SLC24A2: variants seen among roughly 807,000 people sequenced by gnomAD.
The protein encoded by SLC24A2 is sodium/potassium/calcium exchanger 2.
A neutral mutation model predicts 62.0 loss-of-function variants in SLC24A2; 36 were observed. The observed-to-expected ratio is 0.58, with a 90% CI of 0.44 to 0.77. The LOEUF (loss-of-function observed/expected upper bound fraction) is 0.77, where lower values mean the gene tolerates loss of function less well. SLC24A2 is among the 30% of genes least tolerant of loss of function. The pLI, the probability that SLC24A2 is intolerant of heterozygous loss-of-function variation, is 0.00. For missense variants in SLC24A2, 846 were observed against 817.9 expected, an observed-to-expected ratio of 1.03 and a Z score of -0.42; for synonymous variants, 358 against 294.0, an observed-to-expected ratio of 1.22 and a Z score of -2.23.
the SLC24A2 span, among the ~76,000 whole-genome samples, chr9:20,005,975 T>C: frequency 1.3e-5 from 2 of 151,652 alleles, no homozygotes; most frequent in South Asian, 4.1e-4. Context: ...GTACCTCCTT[T>C]TAGGAAATTT....
chr9:19,711,581 G>A (rs573248758), intron 2 of SLC24A2, among the ~76,000 whole-genome samples: 1 of 152,304 alleles, frequency 6.6e-6, no homozygotes, highest in East Asian at 1.9e-4. Context: ...AGCCATTGCT[G>A]GCTTGATATA....
Position 19,515,840 on chromosome 9 carries a change from A to G in SLC24A2, c.*313T>C. On this transcript the variant is annotated 3_prime_UTR_variant, in exon 11 of 11. Transcript: ENST00000341998. ...ATAATATGTGTATTTATAGATATAT[A>G]TAGCCTGTGTCCTTGTTTGCATCGA... 5.1e-6 allele frequency: 2 copies of G among 390,312 alleles called. No homozygotes were observed. The highest frequency in any genetic ancestry group is 2.2e-5 in the South Asian group (1 of 46,224). The allele number at this position is 390,312 out of a possible 1,614,324, so 24.2% of individuals were successfully genotyped here. A position where few individuals can be genotyped will look rare whatever the true frequency, so the allele number is the denominator to read the frequency against.
intron 2 of SLC24A2, among the ~76,000 whole-genome samples, chr9:19,623,512 G>A (rs1201454500): frequency 2.0e-5 from 3 of 152,050 alleles, no homozygotes; most frequent in African/African-American, 7.2e-5. Context: ...ATACACTTTT[G>A]TGTAAAAAAA....
At chr9:20,059,699 A>G in the SLC24A2 span, among the ~76,000 whole-genome samples, 1 of 152,114 alleles carries the variant, frequency 6.6e-6, no homozygotes, top group Non-Finnish European at 1.5e-5. Context: ...ATTAAAAAGA[A>G]GAAAGATCTC....
chr9:20,019,040 G>A, the SLC24A2 span, among the ~76,000 whole-genome samples: 1 of 149,390 alleles, frequency 6.7e-6, no homozygotes, highest in Non-Finnish European at 1.5e-5. Flanking sequence ...TCCTAGCCTG[G>A]AACACAGAGG....
At chr9:20,301,255 C>T in the SLC24A2 span, among the ~76,000 whole-genome samples, 1 of 152,154 alleles carries the variant, frequency 6.6e-6, no homozygotes. Flanking sequence ...GCTCTTAGTC[C>T]CCCTTTGTCT....
At chr9:20,089,273 C>T in the SLC24A2 span, among the ~76,000 whole-genome samples, 1,070 of 152,170 alleles carry the variant, frequency 7.0e-3, 8 homozygotes, top group Admixed American at 0.011. Context: ...AGGTCCCGGT[C>T]CCGGTCCCGG....
Position 19,573,379 on chromosome 9 carries a change from G to A in SLC24A2, c.1319C>T (p.Ser440Phe), listed in dbSNP as rs1835897748. The change falls in exon 7 of 11, where the codon TCC (serine) becomes TTC (phenylalanine). Residue 440 changes from serine to phenylalanine, a missense_variant. Ser to Phe is a radical substitution (Grantham distance 155, BLOSUM62 -2). Coordinates refer to ENST00000341998, the MANE Select transcript of SLC24A2 (RefSeq NM_020344.4). The stretch of plus-strand genomic sequence containing the variant: ...GGCTTCTGCACCTTCAATGTTGTGG[G>A]AGAGATTTCCATTTTGTACAGGTTC... ...ASEPVQNGNL[S>F]HNIEGAEAQT... The A allele has an allele frequency of 6.2e-7, 1 of 1,612,784 alleles. No individual in the cohort carries two copies. Among genetic ancestry groups the A allele is most frequent in the South Asian group, 1.1e-5 (1 of 91,014 alleles).
the SLC24A2 span, among the ~76,000 whole-genome samples, chr9:20,154,772 C>G: frequency 1.3e-5 from 2 of 151,638 alleles, no homozygotes; most frequent in African/African-American, 2.4e-5. Flanking sequence ...CAGATTGATG[C>G]AGTAACTCAA....
chr9:20,307,490 A>C, the SLC24A2 span, among the ~76,000 whole-genome samples: 2 of 152,146 alleles, frequency 1.3e-5, no homozygotes, highest in Non-Finnish European at 2.9e-5. Flanking sequence ...CTCTAATATA[A>C]CCAGAGCAGA....
chr9:19,892,002 C>T, the SLC24A2 span, among the ~76,000 whole-genome samples: 1 of 152,174 alleles, frequency 6.6e-6, no homozygotes, highest in East Asian at 1.9e-4. Flanking sequence ...ATTTCTACAT[C>T]TTCAACTCAG....
chr9:20,037,501 G>C, the SLC24A2 span, among the ~76,000 whole-genome samples: 1 of 152,168 alleles, frequency 6.6e-6, no homozygotes. Context: ...ATATATATGG[G>C]TGTACAGATA....
At chr9:19,994,553 T>A in the SLC24A2 span, among the ~76,000 whole-genome samples, 1 of 152,162 alleles carries the variant, frequency 6.6e-6, no homozygotes, top group African/African-American at 2.4e-5. Context: ...CTAAGAGGAA[T>A]TGAGGACCAG....
Position 19,694,221 on chromosome 9 carries a change from G to C in SLC24A2, c.931-71922C>G, listed in dbSNP as rs570005151. Among the ~76,000 whole-genome samples, 25 of 152,156 alleles carry C rather than the reference G, an allele frequency of 1.6e-4. No individual in the cohort carries two copies. The East Asian group carries it at 4.4e-3, about 27-fold the overall frequency. On this transcript the variant is annotated intron_variant, in intron 2 of 10. Transcript: ENST00000341998. The stretch of plus-strand genomic sequence containing the variant: ...ATGAAATCTCAACAGATAGGGTAAA[G>C]ATATCATAATATTATCTTAGCAATT...
At chr9:19,739,175 CA>C (rs541690736) in intron 2 of SLC24A2, among the ~76,000 whole-genome samples, 3 of 152,200 alleles carry the variant, frequency 2.0e-5, no homozygotes, top group South Asian at 2.1e-4. Flanking sequence ...ATGACTGCTA[CA>C]AAAAACTACA....
the SLC24A2 span, among the ~76,000 whole-genome samples, chr9:20,233,260 A>T: frequency 6.6e-6 from 1 of 152,182 alleles, no homozygotes; most frequent in South Asian, 2.1e-4. Context: ...TGCAGAGCTG[A>T]GTTCAATTCC....
chr9:19,915,492 G>A, the SLC24A2 span, among the ~76,000 whole-genome samples: 2 of 152,024 alleles, frequency 1.3e-5, no homozygotes, highest in Non-Finnish European at 2.9e-5. Flanking sequence ...TTTAACTTTT[G>A]AGGGATTGCC....
At chr9:19,769,621 G>A (rs1822624085) in intron 2 of SLC24A2, among the ~76,000 whole-genome samples, 2 of 152,110 alleles carry the variant, frequency 1.3e-5, no homozygotes, top group South Asian at 2.1e-4. Context: ...TGGTTCTTCC[G>A]ATGCTTACTG....
rs554729667 is a variant in SLC24A2 at position 19,641,419 on chromosome 9, A to G, written c.931-19120T>C. Among the ~76,000 whole-genome samples, 3 of 152,372 alleles carry G rather than the reference A, an allele frequency of 2.0e-5. No individual in the cohort carries two copies. The East Asian group carries it at 5.8e-4, about 29-fold the overall frequency. On this transcript the variant is annotated intron_variant, in intron 2 of 10. Transcript: ENST00000341998. Reference sequence around the variant, plus strand: ...TAACAAAACCAAAGTTCACTTTCAAAGATGTCTTTCTCTCTGTGCTGTTTG... The same window carrying G: ...TAACAAAACCAAAGTTCACTTTCAAGGATGTCTTTCTCTCTGTGCTGTTTG...
Sources: gnomAD v4.1 joint callset for allele counts (sites outside exome capture counted in the v4.1 genomes callset) on GRCh38, gnomAD v4.1.1 for gene constraint, MANE v1.5 for transcripts, NCBI Gene and HGNC (gene_info 2026-07-23, HGNC 2026-07-21) for gene names.